PRKAG2: variants seen among roughly 807,000 people sequenced by gnomAD.
PRKAG2 encodes 5'-AMP-activated protein kinase subunit gamma-2.
Under a neutral mutation model 69.6 loss-of-function variants are expected in PRKAG2, and 26 were observed. The ratio of observed to expected loss-of-function variants is 0.37; its 90% CI spans 0.27 to 0.52. PRKAG2 has a LOEUF of 0.52. Ranked by LOEUF, PRKAG2 falls within the 20% of genes least tolerant of loss-of-function variation. The probability of loss-of-function intolerance (pLI) is 0.90; values close to 1 mark genes in which losing one functional copy is unlikely to be tolerated. For synonymous variants in PRKAG2, 293 were observed against 285.0 expected, an observed-to-expected ratio of 1.03 and a Z score of -0.28; for missense variants, 557 against 740.0, an observed-to-expected ratio of 0.75 and a Z score of 2.87.
intron 3 of PRKAG2, chr7:151,736,121 G>C: frequency 6.7e-7 from 1 of 1,485,776 alleles, no homozygotes. Flanking sequence ...CAAAAGCTCA[G>C]AGTGGCAGCC....
At chr7:151,793,024 T>A (rs1013186093) in intron 1 of PRKAG2, among the ~76,000 whole-genome samples, 3 of 152,166 alleles carry the variant, frequency 2.0e-5, no homozygotes, top group Non-Finnish European at 4.4e-5. Context: ...TTTTCATCTG[T>A]CAAATGAGAG....
chr7:151,619,536 C>T lies in PRKAG2; in HGVS notation c.754+12533G>A, dbSNP rs1011568703. Among the ~76,000 whole-genome samples the T allele has an allele frequency of 4.6e-5, 7 of 152,218 alleles. No individual in the cohort carries two copies. The South Asian group carries it at 1.2e-3, about 27-fold the overall frequency. The stretch of plus-strand genomic sequence containing the variant: ...CACAAGGGTGGCTGAGACAGTGGCA[C>T]CTTTGCTTTCTGATGGTTCAATCTG... On this transcript the variant is annotated intron_variant, in intron 5 of 15. Coordinates refer to ENST00000287878, the MANE Select transcript of PRKAG2 (RefSeq NM_016203.4).
chr7:151,599,104 C>T (rs1040666793), intron 5 of PRKAG2, among the ~76,000 whole-genome samples: 17 of 152,060 alleles, frequency 1.1e-4, no homozygotes, highest in South Asian at 2.1e-4. Flanking sequence ...TTGCATGGCT[C>T]GGCCTCCCAA....
intron 1 of PRKAG2, among the ~76,000 whole-genome samples, chr7:151,786,973 G>T (rs2077041577): frequency 6.6e-6 from 1 of 152,162 alleles, no homozygotes; most frequent in South Asian, 2.1e-4. Flanking sequence ...GTGACACTGG[G>T]GTGGCGGCTG....
intron 1 of PRKAG2, among the ~76,000 whole-genome samples, chr7:151,870,149 A>G (rs1310011732): frequency 2.3e-5 from 3 of 130,494 alleles, no homozygotes; most frequent in African/African-American, 8.3e-5. Flanking sequence ...AGATAGATAG[A>G]TAGATAGGCA....
At chr7:151,662,243 C>G (rs1365622363) in intron 4 of PRKAG2, among the ~76,000 whole-genome samples, 1 of 152,200 alleles carries the variant, frequency 6.6e-6, no homozygotes, top group African/African-American at 2.4e-5. Flanking sequence ...TTCTCCACAT[C>G]AGACTTCTAA....
At chr7:151,783,006 A>G (rs1586504140) in intron 2 of PRKAG2, among the ~76,000 whole-genome samples, 1 of 152,176 alleles carries the variant, frequency 6.6e-6, no homozygotes, top group African/African-American at 2.4e-5. Flanking sequence ...AACACAGGAC[A>G]CCCCACAGGC....
intron 4 of PRKAG2, among the ~76,000 whole-genome samples, chr7:151,645,112 T>C (rs1827343148): frequency 6.6e-6 from 1 of 152,326 alleles, no homozygotes; most frequent in South Asian, 2.1e-4. Flanking sequence ...TGTACTTGTG[T>C]ATCCCTCTTC....
intron 4 of PRKAG2, among the ~76,000 whole-genome samples, chr7:151,665,654 C>T (rs1444367734): frequency 6.6e-6 from 1 of 152,112 alleles, no homozygotes; most frequent in African/African-American, 2.4e-5. Flanking sequence ...TGAAATTTTT[C>T]CAAACTATTT....
At chr7:151,746,907 A>G (rs981786807) in intron 3 of PRKAG2, among the ~76,000 whole-genome samples, 2 of 152,274 alleles carry the variant, frequency 1.3e-5, no homozygotes, top group Middle Eastern at 3.2e-3. Context: ...TCATCAGCCC[A>G]GTGCTCAAAG....
chr7:151,716,462 C>T (rs902950943), intron 3 of PRKAG2, among the ~76,000 whole-genome samples: 1 of 152,176 alleles, frequency 6.6e-6, no homozygotes, highest in East Asian at 1.9e-4. Context: ...CTTGTCCAGG[C>T]AGGGCTTGGA....
At chr7:151,841,646 G>A (rs1367380854) in intron 1 of PRKAG2, among the ~76,000 whole-genome samples, 2 of 137,218 alleles carry the variant, frequency 1.5e-5, no homozygotes, top group East Asian at 2.1e-4. Context: ...AGTGATGGTA[G>A]GTAGTGATGA....
intron 3 of PRKAG2, chr7:151,736,132 T>C: frequency 6.8e-7 from 1 of 1,468,280 alleles, no homozygotes; most frequent in Non-Finnish European, 9.0e-7. Flanking sequence ...AGTGGCAGCC[T>C]GTGCTCAGGT....
rs1824764041 is a variant in PRKAG2, at chr7:151,632,265, G to A, written c.685-127C>T. On this transcript the variant is annotated intron_variant, in intron 4 of 15. Transcript: ENST00000287878. The surrounding 1 kb of genome is among the most constrained non-coding windows in gnomAD (Gnocchi z 4.2). ...CCGCCGGGAGGAGGGGCCTGGCAGG[G>A]GACGCGGGCAGCGGGGGCCGGGGGC... 9.6e-7 allele frequency: 1 copy of A among 1,036,498 alleles called. No individual in the cohort carries two copies. The highest frequency in any genetic ancestry group is 4.5e-5 in the South Asian group (1 of 22,244). 64.2% of individuals were successfully genotyped at this position (1,036,498 alleles called of 1,614,324 possible).
At chr7:151,628,035 G>A (rs1471367466) in intron 5 of PRKAG2, among the ~76,000 whole-genome samples, 1 of 152,164 alleles carries the variant, frequency 6.6e-6, no homozygotes, top group Non-Finnish European at 1.5e-5. Flanking sequence ...GATGAAATAA[G>A]CGGCAAATGA....
intron 1 of PRKAG2, among the ~76,000 whole-genome samples, chr7:151,862,376 TTC>T (rs1172743110): frequency 1.3e-5 from 2 of 152,234 alleles, no homozygotes; most frequent in East Asian, 1.9e-4. Flanking sequence ...TCTGAAAATG[TTC>T]TCTTTGAGGT....
chr7:151,606,618 G>T (rs777569603), intron 5 of PRKAG2, among the ~76,000 whole-genome samples: 2 of 152,094 alleles, frequency 1.3e-5, no homozygotes, highest in Non-Finnish European at 2.9e-5. Flanking sequence ...TCAGGAATTC[G>T]AGACCAGCCT....
rs376450705 is a variant in PRKAG2 at position 151,560,558 on chromosome 7, C to T, written c.1644G>A (p.Ser548=). The part of the protein sequence containing the change: ...ADSIVGIISL[S]DILQALILTP... ...TGAGGATCAGGGCTTGCAGAATGTC[C>T]GACAGGGAAATAATACCCACAATAC... Residue 548 remains serine, a synonymous_variant, in exon 15 of 16, where the codon TCG becomes TCA. Coordinates refer to ENST00000287878, the MANE Select transcript of PRKAG2 (RefSeq NM_016203.4). The T allele has an allele frequency of 2.5e-5, 40 of 1,613,842 alleles. No homozygotes were observed. The African/African-American group carries it at 2.7e-4, about 11-fold the overall frequency.
At chr7:151,591,626 T>G (rs1267653266) in intron 6 of PRKAG2, among the ~76,000 whole-genome samples, 1 of 152,162 alleles carries the variant, frequency 6.6e-6, no homozygotes, top group Non-Finnish European at 1.5e-5. Flanking sequence ...ATGCACCACA[T>G]GTGTACGTGC....
Sources: allele counts gnomAD v4.1 joint callset (sites outside exome capture counted in the v4.1 genomes callset), GRCh38; gene constraint gnomAD v4.1.1; non-coding constraint Gnocchi (gnomAD v3.1); transcripts MANE v1.5; gene names NCBI Gene and HGNC (gene_info 2026-07-23, HGNC 2026-07-21).